TTC28: variants seen among roughly 807,000 people sequenced by gnomAD.
The protein encoded by TTC28 is tetratricopeptide repeat domain 28.
TTC28 carries 61 observed loss-of-function variants against 198.0 expected under a neutral mutation model. The observed-to-expected ratio is 0.31, with a 90% CI of 0.25 to 0.38. The LOEUF (loss-of-function observed/expected upper bound fraction) is 0.38. TTC28 is among the 10% of genes least tolerant of loss of function. The pLI, the probability that TTC28 is intolerant of heterozygous loss-of-function variation, is 1.00. For synonymous variants in TTC28, 1,171 were observed against 1,297.8 expected (o/e 0.90, Z 2.10); for missense variants, 2,678 against 3,164.0 (o/e 0.85, Z 3.69).
At chr22:28,336,713 A>G (rs1601649548) in intron 2 of TTC28, among the ~76,000 whole-genome samples, 1 of 151,496 alleles carries the variant, frequency 6.6e-6, no homozygotes, top group African/African-American at 2.4e-5. Context: ...TATTGCATCT[A>G]TTTGATTCTT....
chr22:28,540,593 C>A (rs1449184115), intron 2 of TTC28, among the ~76,000 whole-genome samples: 3 of 152,156 alleles, frequency 2.0e-5, no homozygotes, highest in Non-Finnish European at 4.4e-5. Context: ...TACTTTAATA[C>A]TGTTTTCATC....
chr22:28,441,044 T>C (rs982428878), intron 2 of TTC28, among the ~76,000 whole-genome samples: 2 of 152,214 alleles, frequency 1.3e-5, no homozygotes, highest in African/African-American at 2.4e-5. Context: ...TACAACCTTC[T>C]GGTATAGCAA....
chr22:28,468,690 A>ATTTTTTTTTTTTTTTTTT (rs35984422), intron 2 of TTC28, among the ~76,000 whole-genome samples: 1 of 122,310 alleles, frequency 8.2e-6, no homozygotes, highest in Non-Finnish European at 1.7e-5. Context: ...CGCCCGGCTA[A>ATTTTTTTTTTTTTTTTTT]TTTTTTTTTT....
chr22:28,502,655 A>AG (rs1048663971), intron 2 of TTC28, among the ~76,000 whole-genome samples: 3 of 151,998 alleles, frequency 2.0e-5, no homozygotes, highest in African/African-American at 7.2e-5. Flanking sequence ...CTCAAAAAAA[A>AG]AAAGAAAGAA....
chr22:28,388,788 C>G (rs1365138249), intron 2 of TTC28, among the ~76,000 whole-genome samples: 1 of 152,196 alleles, frequency 6.6e-6, no homozygotes, highest in Non-Finnish European at 1.5e-5. Flanking sequence ...CATCTGCAAA[C>G]AGGGACAATT....
At chr22:28,117,647 G>T (rs1472606249) in intron 6 of TTC28, among the ~76,000 whole-genome samples, 1 of 152,176 alleles carries the variant, frequency 6.6e-6, no homozygotes, top group Non-Finnish European at 1.5e-5. Context: ...ATTAAAGATT[G>T]CTGTTAGCAA....
intron 12 of TTC28, among the ~76,000 whole-genome samples, chr22:28,083,694 G>A (rs1941449095): frequency 6.6e-6 from 1 of 152,232 alleles, no homozygotes; most frequent in Non-Finnish European, 1.5e-5. Context: ...CACCGTGCAT[G>A]AGATGAAGCA....
At chr22:28,517,307 A>T (rs979554216) in intron 2 of TTC28, among the ~76,000 whole-genome samples, 3 of 152,204 alleles carry the variant, frequency 2.0e-5, no homozygotes, top group African/African-American at 7.2e-5. Context: ...AGAGCTAAAG[A>T]TAAAACTGTC....
In TTC28 at chr22:28,163,323, A is replaced by T; in HGVS notation, c.1210T>A (p.Tyr404Asn). ...ARAYSNLGSA[Y>N]HYRRNFDKAM... is the part of the protein sequence containing the mutation. ...TTGTCAAAGTTCCTCCGGTAGTGAT[A>T]GGCACTGCCCAGGTTGCTATAAGCC... Residue 404 changes from tyrosine (Y) to asparagine (N), a missense_variant, in exon 6 of 23, where the codon TAT (tyrosine) becomes AAT (asparagine). Tyr to Asn is a moderately radical substitution (Grantham distance 143). Transcript: ENST00000397906. 6.4e-7 allele frequency: 1 copy of T among 1,552,090 alleles called. No individual in the cohort carries two copies. The highest frequency in any genetic ancestry group is 1.4e-5 in the African/African-American group (1 of 73,166).
chr22:28,588,658 T>A (rs1187816844), intron 2 of TTC28, among the ~76,000 whole-genome samples: 1 of 152,166 alleles, frequency 6.6e-6, no homozygotes, highest in African/African-American at 2.4e-5. Context: ...AGATTTCAGG[T>A]TCAATGGCAT....
intron 2 of TTC28, among the ~76,000 whole-genome samples, chr22:28,572,167 C>T (rs1234078413): frequency 6.7e-6 from 1 of 148,222 alleles, no homozygotes; most frequent in East Asian, 2.0e-4. Context: ...AACCCCATCT[C>T]TACTGAAAAT....
At chr22:28,026,650 ACAGGGCACTAGAGGGAAGTTGTCTAG>A (rs1288024176) in intron 13 of TTC28, among the ~76,000 whole-genome samples, 10 of 152,294 alleles carry the variant, frequency 6.6e-5, no homozygotes, top group East Asian at 5.8e-4. Flanking sequence ...AGTGTCTCTC[ACAGGGCACTAGAGGGAAGTTGTCTAG>A]CAGGGCACTA....
At chr22:28,311,164 T>C (rs987773603) in intron 2 of TTC28, among the ~76,000 whole-genome samples, 1 of 151,862 alleles carries the variant, frequency 6.6e-6, no homozygotes, top group Non-Finnish European at 1.5e-5. Flanking sequence ...AATTATAACA[T>C]GGTTTTATAG....
At chr22:28,262,304 C>T (rs1167414653) in intron 5 of TTC28, among the ~76,000 whole-genome samples, 1 of 152,146 alleles carries the variant, frequency 6.6e-6, no homozygotes, top group Non-Finnish European at 1.5e-5. Flanking sequence ...AACCCTACAG[C>T]CATTTATAAC....
At chr22:28,645,360 A>G (rs1263121405) in intron 1 of TTC28, among the ~76,000 whole-genome samples, 1 of 151,744 alleles carries the variant, frequency 6.6e-6, no homozygotes, top group Admixed American at 6.6e-5. Context: ...CCGGCGCGGT[A>G]GCTCATGCCT....
intron 2 of TTC28, among the ~76,000 whole-genome samples, chr22:28,444,857 G>C (rs923488259): frequency 6.6e-6 from 1 of 152,202 alleles, no homozygotes; most frequent in African/African-American, 2.4e-5. Flanking sequence ...ATATGAGTAA[G>C]ATGTTGTCCC....
intron 1 of TTC28, among the ~76,000 whole-genome samples, chr22:28,677,928 G>A (rs1262364433): frequency 6.6e-6 from 1 of 150,814 alleles, no homozygotes; most frequent in Non-Finnish European, 1.5e-5. Context: ...ACAGAGTGAG[G>A]CTCCGTCTCA....
At chr22:28,108,746 G>T (rs930021929) in intron 6 of TTC28, among the ~76,000 whole-genome samples, 59 of 152,174 alleles carry the variant, frequency 3.9e-4, no homozygotes, top group African/African-American at 1.4e-3. Flanking sequence ...TATTTGGTTT[G>T]ATTTTTTAAA....
chr22:28,178,478 C>CG (rs1297466510), intron 5 of TTC28, among the ~76,000 whole-genome samples: 2 of 149,334 alleles, frequency 1.3e-5, no homozygotes, highest in Non-Finnish European at 3.0e-5. Context: ...GGGAGAGGAA[C>CG]GGGGGAGGGG....
Sources: allele counts gnomAD v4.1 joint callset (sites outside exome capture counted in the v4.1 genomes callset), GRCh38; gene constraint gnomAD v4.1.1; transcripts MANE v1.5; gene names NCBI Gene and HGNC (gene_info 2026-07-23, HGNC 2026-07-21).